Variants in RTRAF observed in about 807,000 individuals in gnomAD.
The protein encoded by RTRAF is RNA transcription, translation and transport factor, also known as tRNA-splicing ligase complex subunit RTRAF.
RTRAF carries 14 observed loss-of-function variants against 34.4 expected under a neutral mutation model. The ratio of observed to expected loss-of-function variants is 0.41; its 90% CI spans 0.27 to 0.64. The LOEUF (loss-of-function observed/expected upper bound fraction) is 0.64, where lower values mean the gene tolerates loss of function less well. RTRAF is among the 30% of genes least tolerant of loss of function. RTRAF has a pLI of 0.34. For synonymous variants in RTRAF, 96 were observed against 95.3 expected, an observed-to-expected ratio of 1.01 and a Z score of -0.04; for missense variants, 291 against 288.4, an observed-to-expected ratio of 1.01 and a Z score of -0.06.
rs1890890198 is a variant in RTRAF at position 52,008,727 on chromosome 14, A to G, written c.*4211A>G. Reference sequence around the variant, plus strand: ...ATCTTGGGTTTTAGAATAGAAACAAATACAGCTGTTAGGAATGGCTTCGAT... The same window carrying G: ...ATCTTGGGTTTTAGAATAGAAACAAGTACAGCTGTTAGGAATGGCTTCGAT... On this transcript the variant is annotated 3_prime_UTR_variant, in exon 8 of 8. Transcript: ENST00000261700. 2 of 152,218 alleles carry G rather than the reference A, an allele frequency of 1.3e-5. No individual in the cohort carries two copies. Among genetic ancestry groups the G allele is most frequent in the Non-Finnish European group, 2.9e-5 (2 of 68,046 alleles). The allele number at this position is 152,218 out of a possible 1,614,324, so 9.4% of individuals were successfully genotyped here.
At chr14:51,992,308 T>C (rs1890446735) in intron 2 of RTRAF, among the ~76,000 whole-genome samples, 1 of 152,236 alleles carries the variant, frequency 6.6e-6, no homozygotes. Flanking sequence ...AGTTTTTCAT[T>C]TGCGAGAGCA....
rs1890686932 is a variant in RTRAF at position 52,004,726 on chromosome 14, A to G, written c.*210A>G. 1 of 454,336 alleles carries G rather than the reference A, an allele frequency of 2.2e-6. No individual in the cohort carries two copies. The allele number at this position is 454,336 out of a possible 1,614,324, so 28.1% of individuals were successfully genotyped here. On this transcript the variant is annotated 3_prime_UTR_variant, in exon 8 of 8. Transcript: ENST00000261700. ...TATTATGTACTGTATGTTTGCATAA[A>G]TCACCTTTCTCCTTTGTGGTTAAGG... is the stretch of plus-strand genomic sequence containing the variant.
intron 2 of RTRAF, among the ~76,000 whole-genome samples, chr14:51,993,064 T>G (rs1483032055): frequency 6.6e-6 from 1 of 152,094 alleles, no homozygotes; most frequent in Non-Finnish European, 1.5e-5. Context: ...TGTGTGTATA[T>G]ATGTACATAT....
chr14:51,997,403 T>C lies in RTRAF; in HGVS notation c.287-1091T>C, dbSNP rs1017652737. Among the ~76,000 whole-genome samples the C allele has an allele frequency of 3.3e-5, 5 of 152,100 alleles. No homozygotes were observed. In the East Asian group the frequency reaches 7.7e-4, roughly 23 times the overall value. On this transcript the variant is annotated intron_variant, in intron 3 of 7. Transcript: ENST00000261700. The stretch of plus-strand genomic sequence containing the variant: ...ATGGATTTTTATTTTATTCAATGGA[T>C]TATAATCCTTTCTGTCATCACGTAT...
chr14:52,004,031 C>T (rs1890659365), intron 6 of RTRAF, 163 bp from the exon 7 acceptor site: 1 of 655,304 alleles, frequency 1.5e-6, no homozygotes, highest in Non-Finnish European at 2.7e-6. Context: ...ACTCGCTAAT[C>T]ACAATCATCA....
In RTRAF at chr14:52,001,900, T is replaced by C. The variant is rs377176106; in HGVS notation, c.531+34T>C. On this transcript the variant is annotated intron_variant, in intron 6 of 7. Transcript: ENST00000261700. ...CTATAAATCCTAAATAAGTTGTTAA[T>C]GAACATTTCTTCTGGTATGGCCGTG... The C allele has an allele frequency of 1.2e-3, 1,854 of 1,546,640 alleles. 2 individuals are homozygous for C. The highest frequency in any genetic ancestry group is 1.5e-3 in the Non-Finnish European group (1,716 of 1,129,120).
chr14:52,001,398 T>C (rs1394861837), intron 5 of RTRAF, among the ~76,000 whole-genome samples: 1 of 152,172 alleles, frequency 6.6e-6, no homozygotes, highest in Admixed American at 6.5e-5. Flanking sequence ...ACCCTTTGTG[T>C]CAAAAATGTG....
chr14:51,998,570 C>G lies in RTRAF; in HGVS notation c.363C>G (p.Ile121Met). 1 of 1,587,934 alleles carries G rather than the reference C, an allele frequency of 6.3e-7. No homozygotes were observed. The highest frequency in any genetic ancestry group is 8.6e-7 in the Non-Finnish European group (1 of 1,165,088). The stretch of plus-strand genomic sequence containing the variant: ...CAACTAAAAATGCAGAACCATTGAT[C>G]AATTTGGATGGTGAGTATATAAATG... ...DNATKNAEPLINLDVNNPDFK... is the reference protein window; with the variant it reads ...DNATKNAEPLMNLDVNNPDFK... The change falls in exon 4 of 8, where the codon ATC (isoleucine) becomes ATG (methionine). Residue 121 changes from isoleucine (I) to methionine (M), a missense_variant. By Grantham distance (10) the Ile-to-Met change is conservative (BLOSUM62 1). Transcript: ENST00000261700.
Position 52,006,700 on chromosome 14 carries a change from T to A in RTRAF, c.*2184T>A, listed in dbSNP as rs773846599. Reference sequence around the variant, plus strand: ...GGGGAAAATGAGGTCCTTCAGCTGCTTTGCCAAAAATGATAGTGACATAGT... The same window carrying A: ...GGGGAAAATGAGGTCCTTCAGCTGCATTGCCAAAAATGATAGTGACATAGT... On this transcript the variant is annotated 3_prime_UTR_variant, in exon 8 of 8. Transcript: ENST00000261700. 1 of 1,609,110 alleles carries A rather than the reference T, an allele frequency of 6.2e-7. No individual in the cohort carries two copies. Among genetic ancestry groups the A allele is most frequent in the African/African-American group, 1.3e-5 (1 of 74,708 alleles).
intron 6 of RTRAF, 162 bp downstream of exon 6, chr14:52,002,028 T>A: frequency 3.1e-6 from 2 of 638,780 alleles, no homozygotes; most frequent in Non-Finnish European, 5.2e-6. Flanking sequence ...ATTGAATGTA[T>A]TCAGTGGCTA....
rs1335074571 is a variant in RTRAF, at chr14:52,005,447, C to CTGAT, written c.*934_*937dup. ...GTCACTGTTCTTTAGGGTCCAGGTT[C>CTGAT]TGATTGTAAACTCCAAGTCTTCCTT... On this transcript the variant is annotated 3_prime_UTR_variant, in exon 8 of 8. Transcript: ENST00000261700. 5 of 1,559,282 alleles carry CTGAT rather than the reference C, an allele frequency of 3.2e-6. No individual in the cohort carries two copies. The East Asian group carries it at 6.7e-5, about 21-fold the overall frequency.
intron 2 of RTRAF, among the ~76,000 whole-genome samples, chr14:51,992,808 A>G (rs1339509592): frequency 1.3e-5 from 2 of 152,202 alleles, no homozygotes; most frequent in Non-Finnish European, 2.9e-5. Flanking sequence ...AGATGGGTGG[A>G]TCACCTGAGG....
intron 2 of RTRAF, among the ~76,000 whole-genome samples, chr14:51,992,314 G>C (rs1451162708): frequency 1.3e-5 from 2 of 152,212 alleles, no homozygotes; most frequent in Admixed American, 1.3e-4. Context: ...TCATTTGCGA[G>C]AGCAGTGTGA....
At chr14:51,989,820 C>T in intron 1 of RTRAF, 120 bp downstream of exon 1, 1 of 1,000,606 alleles carries the variant, frequency 1.0e-6, no homozygotes, top group East Asian at 2.9e-5. Context: ...CCGGCAGCCT[C>T]CGGGCCCCTC....
chr14:52,007,998 A>G lies in RTRAF; in HGVS notation c.*3482A>G. On this transcript the variant is annotated 3_prime_UTR_variant, in exon 8 of 8. Coordinates refer to ENST00000261700, the MANE Select transcript of RTRAF (RefSeq NM_016039.3). ...AGTTAAAAATCAAGATTGTAAAAGAATAGCCATGTAGCCTGTGGTAGGCAG... is the reference window on the plus strand; with the variant it reads ...AGTTAAAAATCAAGATTGTAAAAGAGTAGCCATGTAGCCTGTGGTAGGCAG... The G allele has an allele frequency of 6.3e-7, 1 of 1,578,636 alleles. No individual in the cohort carries two copies. Among genetic ancestry groups the G allele is most frequent in the Non-Finnish European group, 8.6e-7 (1 of 1,161,286 alleles).
intron 3 of RTRAF, chr14:51,997,779 T>TG (rs1296008651): frequency 9.5e-6 from 1 of 105,488 alleles, no homozygotes; most frequent in Non-Finnish European, 1.9e-5. Context: ...CAAAAGAAGA[T>TG]GGGGGGAAGC....
rs1890571461 is a variant in RTRAF, at chr14:51,999,649, T to C, written c.374-59T>C. On this transcript the variant is annotated intron_variant, in intron 4 of 7. Transcript: ENST00000261700. ...AAATGTTTTTGTATGTTCACAAATA[T>C]GTTTGTAATTATACGTTTGCAGGGT... 10 of 1,182,454 alleles carry C rather than the reference T, an allele frequency of 8.5e-6. No homozygotes were observed. In the East Asian group the frequency reaches 1.7e-4, roughly 20 times the overall value. The allele number at this position is 1,182,454 out of a possible 1,614,324, so 73.2% of individuals were successfully genotyped here. A position where few individuals can be genotyped will look rare whatever the true frequency, so the allele number is the denominator to read the frequency against.
chr14:52,002,259 T>C (rs1890612646), intron 6 of RTRAF, among the ~76,000 whole-genome samples: 1 of 152,270 alleles, frequency 6.6e-6, no homozygotes, highest in African/African-American at 2.4e-5. Flanking sequence ...CTAAATTCTA[T>C]CCTTGCTCTT....
In RTRAF at chr14:52,004,716, G is replaced by GTTTGCATAAATCACCTTT; in HGVS notation, c.*201_*218dup. The GTTTGCATAAATCACCTTT allele has an allele frequency of 2.1e-6, 1 of 484,542 alleles. No homozygotes were observed. 30.0% of individuals were successfully genotyped at this position (484,542 alleles called of 1,614,324 possible). ...GTAGAATTTTTATTATGTACTGTAT[G>GTTTGCATAAATCACCTTT]TTTGCATAAATCACCTTTCTCCTTT... is the stretch of plus-strand genomic sequence containing the variant. On this transcript the variant is annotated 3_prime_UTR_variant, in exon 8 of 8. Coordinates refer to ENST00000261700, the MANE Select transcript of RTRAF (RefSeq NM_016039.3).
Sources: allele counts gnomAD v4.1 joint callset (sites outside exome capture counted in the v4.1 genomes callset), GRCh38; gene constraint gnomAD v4.1.1; transcripts MANE v1.5; gene names NCBI Gene and HGNC (gene_info 2026-07-23, HGNC 2026-07-21).